The following PDSS2 variants were observed in gnomAD, a reference collection of about 807,000 sequenced individuals.
PDSS2 encodes all trans-polyprenyl-diphosphate synthase PDSS2.
In PDSS2, 31 loss-of-function variants were observed where a neutral mutation model predicts 44.5. That is an observed-to-expected ratio of 0.70 (90% CI 0.52 to 0.94). The LOEUF is 0.94. Among genes scored for constraint, PDSS2 ranks in the 40% least tolerant of loss-of-function variants. The pLI is 0.00. For synonymous variants in PDSS2, 157 were observed against 180.3 expected, an observed-to-expected ratio of 0.87 and a Z score of 1.03; for missense variants, 452 against 482.2, an observed-to-expected ratio of 0.94 and a Z score of 0.59.
intron 2 of PDSS2, among the ~76,000 whole-genome samples, chr6:107,312,859 C>A (rs1777085893): frequency 6.6e-6 from 1 of 152,194 alleles, no homozygotes; most frequent in Non-Finnish European, 1.5e-5. Flanking sequence ...TTCACCTGAT[C>A]CTTACAACAG....
intron 1 of PDSS2, among the ~76,000 whole-genome samples, chr6:107,402,812 G>GGT (rs1780190143): frequency 1.3e-5 from 2 of 151,908 alleles, no homozygotes; most frequent in South Asian, 4.2e-4. Flanking sequence ...ATAGCATGAA[G>GGT]GTAACTGTCC....
intron 7 of PDSS2, among the ~76,000 whole-genome samples, chr6:107,170,236 A>G (rs1242253058): frequency 6.6e-6 from 1 of 152,156 alleles, no homozygotes; most frequent in Non-Finnish European, 1.5e-5. Flanking sequence ...CTGCTGTGCT[A>G]GCAATGAGCG....
intron 3 of PDSS2, among the ~76,000 whole-genome samples, chr6:107,254,712 C>T (rs1251484618): frequency 1.3e-5 from 2 of 152,142 alleles, no homozygotes; most frequent in Non-Finnish European, 2.9e-5. Context: ...TTCAATGTGG[C>T]TGATGAGCTC....
intron 4 of PDSS2, among the ~76,000 whole-genome samples, chr6:107,230,601 C>T (rs189941694): frequency 5.3e-5 from 8 of 152,226 alleles, no homozygotes; most frequent in African/African-American, 1.9e-4. Context: ...TCTCACTGCA[C>T]ATCTCTAGGT....
Position 107,386,587 on chromosome 6 carries a change from A to T in PDSS2, c.297-52255T>A, listed in dbSNP as rs13437302. On this transcript the variant is annotated intron_variant, in intron 1 of 7. Coordinates refer to ENST00000369037, the MANE Select transcript of PDSS2 (RefSeq NM_020381.4). ...TCCACAAAGTTGGAAGGTATCCAAG[A>T]ACTCACTAGTGCAATCTCCTCATTT... Among the ~76,000 whole-genome samples the T allele has an allele frequency of 7.9e-3, 1,196 of 152,288 alleles. 21 individuals are homozygous for T. Among genetic ancestry groups the T allele is most frequent in the African/African-American group, 0.025 (1,058 of 41,560 alleles).
At chr6:107,344,254 AC>A (rs1483121484) in intron 1 of PDSS2, among the ~76,000 whole-genome samples, 1 of 152,120 alleles carries the variant, frequency 6.6e-6, no homozygotes, top group Non-Finnish European at 1.5e-5. Flanking sequence ...AAAGAAAAAA[AC>A]ACTCCATGAA....
chr6:107,194,054 C>T (rs545579814), intron 6 of PDSS2, among the ~76,000 whole-genome samples, 200 bp from the exon 7 acceptor site: 6 of 152,274 alleles, frequency 3.9e-5, no homozygotes, highest in Non-Finnish European at 5.9e-5. Flanking sequence ...TCACTGAGCA[C>T]GCATAGACAC....
At chr6:107,398,870 G>A (rs991089794) in intron 1 of PDSS2, among the ~76,000 whole-genome samples, 4 of 152,130 alleles carry the variant, frequency 2.6e-5, no homozygotes, top group Middle Eastern at 3.2e-3. Context: ...CAGTTCACAT[G>A]AGAAAGGGGC....
chr6:107,383,352 A>C (rs1779513305), intron 1 of PDSS2, among the ~76,000 whole-genome samples: 1 of 151,618 alleles, frequency 6.6e-6, no homozygotes, highest in East Asian at 1.9e-4. Flanking sequence ...TCATAGATCT[A>C]AATATAAGAA....
chr6:107,187,041 A>G (rs1267615944), intron 7 of PDSS2, among the ~76,000 whole-genome samples: 1 of 152,212 alleles, frequency 6.6e-6, no homozygotes, highest in Non-Finnish European at 1.5e-5. Flanking sequence ...AAAGCAGAGC[A>G]CACAAAGCAG....
intron 1 of PDSS2, among the ~76,000 whole-genome samples, chr6:107,371,020 TA>T (rs909882724): frequency 1.3e-5 from 2 of 151,976 alleles, no homozygotes; most frequent in African/African-American, 4.8e-5. Flanking sequence ...CCGTCTCTAC[TA>T]AAAATACAAA....
intron 1 of PDSS2, among the ~76,000 whole-genome samples, chr6:107,423,499 T>TA (rs1317944838): frequency 6.6e-6 from 1 of 152,090 alleles, no homozygotes; most frequent in African/African-American, 2.4e-5. Flanking sequence ...AGTTGGAAAA[T>TA]AAAGTTTCTC....
At chr6:107,350,917 A>C (rs1322692680) in intron 1 of PDSS2, among the ~76,000 whole-genome samples, 1 of 152,214 alleles carries the variant, frequency 6.6e-6, no homozygotes, top group Non-Finnish European at 1.5e-5. Flanking sequence ...TGAAATAATA[A>C]AGGCCACAAA....
chr6:107,362,719 T>A (rs931128485), intron 1 of PDSS2, among the ~76,000 whole-genome samples: 3 of 152,302 alleles, frequency 2.0e-5, no homozygotes, highest in Non-Finnish European at 4.4e-5. Context: ...TAAGATATTA[T>A]AAGCAAAGGG....
chr6:107,190,449 T>G (rs1772333471), intron 7 of PDSS2, among the ~76,000 whole-genome samples: 1 of 152,174 alleles, frequency 6.6e-6, no homozygotes, highest in Non-Finnish European at 1.5e-5. Context: ...TCAAGTACTG[T>G]GTTGGGTACC....
chr6:107,206,649 G>A lies in PDSS2; in HGVS notation c.1008+3790C>T, dbSNP rs1177479034. Among the ~76,000 whole-genome samples, 12 of 151,712 alleles carry A rather than the reference G, an allele frequency of 7.9e-5. No individual in the cohort carries two copies. The South Asian group carries it at 8.3e-4, about 11-fold the overall frequency. On this transcript the variant is annotated intron_variant, in intron 6 of 7. Coordinates refer to ENST00000369037, the MANE Select transcript of PDSS2 (RefSeq NM_020381.4). ...GTCTTGGGCCACACATAAAACACAT[G>A]AACACTAATGGTAGCTGATGAGCTA... is the stretch of plus-strand genomic sequence containing the variant.
At chr6:107,243,496 T>A (rs9373932) in intron 4 of PDSS2, among the ~76,000 whole-genome samples, 1 of 152,012 alleles carries the variant, frequency 6.6e-6, no homozygotes. Flanking sequence ...CCAACAATAA[T>A]GCTTTCATGT....
chr6:107,229,624 T>C (rs1773968956), intron 4 of PDSS2: 1 of 152,238 alleles, frequency 6.6e-6, no homozygotes, highest in Non-Finnish European at 1.5e-5. Context: ...CTTCATCCAT[T>C]TTTATGGCAA....
At chr6:107,374,682 C>T (rs753237212) in intron 1 of PDSS2, among the ~76,000 whole-genome samples, 5 of 152,182 alleles carry the variant, frequency 3.3e-5, no homozygotes, top group Non-Finnish European at 5.9e-5. Context: ...CGGTGCTGGA[C>T]GTAAACCCTT....
Sources: allele counts gnomAD v4.1 joint callset (sites outside exome capture counted in the v4.1 genomes callset), GRCh38; gene constraint gnomAD v4.1.1; transcripts MANE v1.5; gene names NCBI Gene and HGNC (gene_info 2026-07-23, HGNC 2026-07-21).